Variants in ADK observed in about 807,000 individuals in gnomAD.
The protein encoded by ADK is N6,N6-dimethyladenosine kinase.
In ADK, 24 loss-of-function variants were observed where a neutral mutation model predicts 44.7. The observed-to-expected ratio is 0.54, with a 90% confidence interval of 0.39 to 0.76. The LOEUF (loss-of-function observed/expected upper bound fraction) is 0.76. Among genes scored for constraint, ADK ranks in the 30% least tolerant of loss-of-function variants. The probability of loss-of-function intolerance (pLI) is 0.00; values close to 1 mark genes in which losing one functional copy is unlikely to be tolerated. For synonymous variants in ADK, 128 were observed against 142.6 expected (o/e 0.90, Z 0.73); for missense variants, 321 against 425.1 (o/e 0.76, Z 2.15).
At chr10:74,377,037 G>A (rs1842839940) in intron 4 of ADK, among the ~76,000 whole-genome samples, 1 of 152,034 alleles carries the variant, frequency 6.6e-6, no homozygotes, top group Non-Finnish European at 1.5e-5. Context: ...ATGATGCTGA[G>A]ATTAATCAAT....
intron 6 of ADK, among the ~76,000 whole-genome samples, chr10:74,476,194 A>T (rs1846830269): frequency 6.6e-6 from 1 of 152,112 alleles, no homozygotes. Flanking sequence ...ATACATATAA[A>T]GTCGTTTAAA....
chr10:74,690,247 C>T (rs929441880), intron 10 of ADK, among the ~76,000 whole-genome samples: 4 of 152,192 alleles, frequency 2.6e-5, no homozygotes, highest in African/African-American at 9.7e-5. Context: ...GTAATCCCAG[C>T]AATTTGGGAA....
chr10:74,454,573 C>T (rs570060749), intron 6 of ADK, among the ~76,000 whole-genome samples: 1 of 151,922 alleles, frequency 6.6e-6, no homozygotes, highest in Admixed American at 6.6e-5. Flanking sequence ...TCTTTATGTG[C>T]AAAATGGTAT....
At chr10:74,630,014 A>G (rs1321524454) in intron 9 of ADK, among the ~76,000 whole-genome samples, 1 of 152,222 alleles carries the variant, frequency 6.6e-6, no homozygotes, top group East Asian at 1.9e-4. Context: ...ATAATTTAAC[A>G]TATGCACAGA....
At chr10:74,570,904 G>A (rs931277352) in intron 7 of ADK, among the ~76,000 whole-genome samples, 9 of 152,174 alleles carry the variant, frequency 5.9e-5, no homozygotes, top group Non-Finnish European at 1.2e-4. Context: ...TGCCCATTCA[G>A]TATGATACTG....
chr10:74,634,743 G>A (rs537583810), intron 9 of ADK, among the ~76,000 whole-genome samples: 1 of 151,822 alleles, frequency 6.6e-6, no homozygotes, highest in Non-Finnish European at 1.5e-5. Context: ...TCAGGAGTTC[G>A]AGACCAGTCT....
intron 1 of ADK, among the ~76,000 whole-genome samples, chr10:74,183,513 T>A (rs1445409812): frequency 6.6e-6 from 1 of 150,414 alleles, no homozygotes; most frequent in Non-Finnish European, 1.5e-5. Context: ...TGAAATATAC[T>A]ATTTTTTTTT....
chr10:74,206,261 C>A (rs185796638), intron 2 of ADK, among the ~76,000 whole-genome samples: 154 of 152,306 alleles, frequency 1.0e-3, no homozygotes, highest in African/African-American at 3.6e-3. Flanking sequence ...GATATACACA[C>A]AGACCAGGTG....
chr10:74,572,508 CT>C (rs745853832), intron 7 of ADK, among the ~76,000 whole-genome samples: 10 of 152,108 alleles, frequency 6.6e-5, no homozygotes, highest in Non-Finnish European at 1.3e-4. Context: ...CGAGGAGTAT[CT>C]TTGTGGCATT....
rs142604407 is a variant in ADK, at chr10:74,348,576, G to A, written c.273+33831G>A. On this transcript the variant is annotated intron_variant, in intron 4 of 10. Transcript: ENST00000539909. ...CTCCAGCAAGGGCACAAAACTGGAC[G>A]GAGCAACCCCAAGACACCTAATAGT... Among the ~76,000 whole-genome samples, 243 of 151,892 alleles carry A rather than the reference G, an allele frequency of 1.6e-3. 1 individual carries two copies. The highest frequency in any genetic ancestry group is 2.3e-3 in the Non-Finnish European group (159 of 67,958).
chr10:74,689,176 G>A (rs1855895261), intron 10 of ADK, among the ~76,000 whole-genome samples: 1 of 151,834 alleles, frequency 6.6e-6, no homozygotes, highest in Non-Finnish European at 1.5e-5. Flanking sequence ...ATGAACCTGG[G>A]AGGTGGAGCT....
chr10:74,205,568 C>T (rs1162419688), intron 2 of ADK, among the ~76,000 whole-genome samples: 5 of 148,774 alleles, frequency 3.4e-5, no homozygotes, highest in South Asian at 2.1e-4. Flanking sequence ...CCCAGATACT[C>T]GGGAGGCTGA....
intron 3 of ADK, among the ~76,000 whole-genome samples, chr10:74,287,982 CAAAA>C (rs367569110): frequency 7.3e-5 from 5 of 68,612 alleles, no homozygotes; most frequent in African/African-American, 1.0e-4. Flanking sequence ...GACCCTGTCT[CAAAA>C]AAAAAAAAAA....
At chr10:74,394,107 G>A (rs764968702) in intron 4 of ADK, 34 bp from the exon 5 acceptor site, 2 of 1,606,652 alleles carry the variant, frequency 1.2e-6, no homozygotes, top group African/African-American at 2.7e-5. Context: ...CCATTTTTTT[G>A]CCCCATTAAA....
chr10:74,461,064 C>T (rs1037797422), intron 6 of ADK, among the ~76,000 whole-genome samples: 1 of 152,100 alleles, frequency 6.6e-6, no homozygotes, highest in African/African-American at 2.4e-5. Flanking sequence ...ATTTACAGGA[C>T]ATCTTCTGTG....
intron 10 of ADK, among the ~76,000 whole-genome samples, chr10:74,691,687 A>G (rs1855994463): frequency 1.6e-5 from 2 of 125,260 alleles, no homozygotes; most frequent in South Asian, 2.8e-4. Context: ...CCATAAACAT[A>G]CAACAAAGTA....
chr10:74,173,339 C>T (rs140525237), intron 1 of ADK, among the ~76,000 whole-genome samples: 6,136 of 151,606 alleles, frequency 0.04, 434 homozygotes, highest in African/African-American at 0.14. Flanking sequence ...GTGATCCACC[C>T]GCCTTGGCCT....
intron 1 of ADK, 69 bp from the exon 2 acceptor site, chr10:74,200,694 AT>A: frequency 9.7e-7 from 1 of 1,029,440 alleles, no homozygotes. Context: ...AGTTATTTTT[AT>A]TTTGTGTACC....
At chr10:74,166,568 C>T (rs909501940) in intron 1 of ADK, among the ~76,000 whole-genome samples, 3 of 151,598 alleles carry the variant, frequency 2.0e-5, no homozygotes, top group Non-Finnish European at 4.4e-5. Context: ...GTTCTGCCCA[C>T]GTTGGCTACT....
Sources: allele counts gnomAD v4.1 joint callset (sites outside exome capture counted in the v4.1 genomes callset), GRCh38; gene constraint gnomAD v4.1.1; transcripts MANE v1.5; gene names NCBI Gene and HGNC (gene_info 2026-07-23, HGNC 2026-07-21).